CCDC82: variants seen among roughly 807,000 people sequenced by gnomAD.
CCDC82 encodes coiled-coil domain-containing protein 82.
A neutral mutation model predicts 60.6 loss-of-function variants in CCDC82; 47 were observed. The ratio of observed to expected loss-of-function variants is 0.77; its 90% CI spans 0.61 to 0.99. CCDC82 has a LOEUF of 0.99. Among genes scored for constraint, CCDC82 ranks in the 50% least tolerant of loss-of-function variants. The pLI, the probability that CCDC82 is intolerant of heterozygous loss-of-function variation, is 0.00. For missense variants in CCDC82, 588 were observed against 633.0 expected (o/e 0.93, Z 0.76); for synonymous variants, 212 against 207.4 (o/e 1.02, Z -0.19).
rs541561992 is a variant in CCDC82, at chr11:96,358,767, T to C, written c.1566+226A>G. On this transcript the variant is annotated intron_variant, in intron 9 of 9. Transcript: ENST00000646818. The stretch of plus-strand genomic sequence containing the variant: ...CTTCAATAAAGGACAGTGTTAATGC[T>C]TATTAAAATTTATCTGATGGGCTGA... 7.7e-5 allele frequency: 67 copies of C among 873,466 alleles called. No individual in the cohort carries two copies. The South Asian group carries it at 1.4e-3, about 18-fold the overall frequency. 54.1% of individuals were successfully genotyped at this position (873,466 alleles called of 1,614,324 possible). A position where few individuals can be genotyped will look rare whatever the true frequency, so the allele number is the denominator to read the frequency against.
chr11:96,358,205 T>C, intron 9 of CCDC82: 1 of 1,009,144 alleles, frequency 9.9e-7, no homozygotes, highest in Non-Finnish European at 1.2e-6. Flanking sequence ...TAAATGTTGA[T>C]AAGAGTTGCC....
intron 2 of CCDC82, chr11:96,387,076 T>C (rs1022784476): frequency 1.3e-5 from 2 of 152,270 alleles, no homozygotes; most frequent in African/African-American, 2.4e-5. Context: ...GCACGTGTAG[T>C]ATATCACATT....
At position 96,353,454 on chromosome 11, in the gene CCDC82, G is replaced by A. The variant is rs144780799; in HGVS notation, c.*192C>T. 28 of 522,766 alleles carry A rather than the reference G, an allele frequency of 5.4e-5. No homozygotes were observed. The highest frequency in any genetic ancestry group is 2.1e-4 in the African/African-American group (11 of 51,668). The allele number at this position is 522,766 out of a possible 1,614,324, so 32.4% of individuals were successfully genotyped here. A position where few individuals can be genotyped will look rare whatever the true frequency, so the allele number is the denominator to read the frequency against. On this transcript the variant is annotated 3_prime_UTR_variant, in exon 10 of 10. Transcript: ENST00000646818. ...TTAAAAATTAAGATAATGCTTTTAT[G>A]TACATCAGATAAAAGTTTAATTAGA...
rs11549808 is a variant in CCDC82, at chr11:96,384,709, A to G, written c.39T>C (p.Ser13=). 25,272 of 1,609,300 alleles carry G rather than the reference A, an allele frequency of 0.016. 615 individuals are homozygous for G. The highest frequency in any genetic ancestry group is 0.11 in the African/African-American group (8,186 of 74,598). Residue 13 remains serine, a synonymous_variant, in exon 4 of 10, where the codon TCT becomes TCC. Coordinates refer to ENST00000646818, the MANE Select transcript of CCDC82 (RefSeq NM_024725.4). ...HVRRHETRRN[S]KSHVPEQKSR... is the part of the protein sequence containing the mutation. ...ATTTCTGCTCAGGCACGTGACTCTT[A>G]GAATTTCTCCTTGTTTCATGTCTTC...
intron 5 of CCDC82, chr11:96,380,748 T>C (rs1032466143): frequency 9.2e-5 from 14 of 151,844 alleles, no homozygotes; most frequent in African/African-American, 3.4e-4. Context: ...AGTTATATGC[T>C]GTGTGATTCC....
Position 96,365,116 on chromosome 11 carries a change from T to C in CCDC82, c.1244A>G (p.His415Arg). ...GGAACAGTTTTCAGGATTCTTCAAA[T>C]GAATACTTACATTAGAATAATTTTC... ...RVENYSNVSI[H>R]LKNPENCSCQ... is the part of the protein sequence containing the mutation. The change falls in exon 8 of 10, where the codon CAT (histidine) becomes CGT (arginine). Residue 415 changes from histidine (H) to arginine (R), a missense_variant. His to Arg is a conservative substitution (Grantham distance 29). Coordinates refer to ENST00000646818, the MANE Select transcript of CCDC82 (RefSeq NM_024725.4). 6.3e-7 allele frequency: 1 copy of C among 1,597,708 alleles called. No homozygotes were observed. The highest frequency in any genetic ancestry group is 8.5e-7 in the Non-Finnish European group (1 of 1,172,200).
rs931347582 is a variant in CCDC82 at position 96,383,599 on chromosome 11, G to A, written c.787-126C>T. On this transcript the variant is annotated intron_variant, in intron 4 of 9. Transcript: ENST00000646818. Reference sequence around the variant, plus strand: ...ATAGTAATTAACTTCATATTTTAAAGTTAAAAATAAATAATTTTGTCATAT... The same window carrying A: ...ATAGTAATTAACTTCATATTTTAAAATTAAAAATAAATAATTTTGTCATAT... 1.5e-5 allele frequency: 9 copies of A among 603,122 alleles called. No homozygotes were observed. In the Admixed American group the frequency reaches 2.6e-4, roughly 17 times the overall value. 37.4% of individuals were successfully genotyped at this position (603,122 alleles called of 1,614,324 possible). A position where few individuals can be genotyped will look rare whatever the true frequency, so the allele number is the denominator to read the frequency against.
intron 5 of CCDC82, chr11:96,382,435 G>A (rs562739676): frequency 6.6e-6 from 1 of 151,802 alleles, no homozygotes; most frequent in African/African-American, 2.4e-5. Flanking sequence ...GATTGGTGGT[G>A]ATATTAATGA....
intron 8 of CCDC82, 24 bp from the exon 9 acceptor site, chr11:96,359,202 TA>T: frequency 2.6e-6 from 4 of 1,537,034 alleles, no homozygotes; most frequent in Non-Finnish European, 3.5e-6. Flanking sequence ...TAAAGATTGT[TA>T]TCTGACAACG....
chr11:96,372,206 A>G (rs1865309850), intron 6 of CCDC82, among the ~76,000 whole-genome samples: 1 of 152,132 alleles, frequency 6.6e-6, no homozygotes, highest in Non-Finnish European at 1.5e-5. Flanking sequence ...TCCACGTATT[A>G]CTTGCTCCCT....
intron 2 of CCDC82, 30 bp from the exon 3 acceptor site, chr11:96,386,323 C>T (rs776010029): frequency 1.4e-4 from 21 of 152,274 alleles, no homozygotes; most frequent in Non-Finnish European, 3.1e-4. Context: ...GGATACAGCT[C>T]ATTTAATTGT....
chr11:96,387,262 T>C (rs1242622750), intron 2 of CCDC82: 6 of 152,236 alleles, frequency 3.9e-5, no homozygotes, highest in Admixed American at 2.6e-4. Flanking sequence ...CAAATTCATA[T>C]ACACTAGATG....
At chr11:96,387,396 A>G (rs1866256097) in intron 2 of CCDC82, 134 bp downstream of exon 2, 1 of 152,248 alleles carries the variant, frequency 6.6e-6, no homozygotes, top group South Asian at 2.1e-4. Context: ...TGCACAGTTA[A>G]GCCATAAAAG....
chr11:96,362,670 G>A (rs1198013788), intron 8 of CCDC82, among the ~76,000 whole-genome samples: 3 of 151,874 alleles, frequency 2.0e-5, no homozygotes, highest in Admixed American at 1.3e-4. Flanking sequence ...GTGGTCCAAG[G>A]CCTCTCGTCT....
In CCDC82 at chr11:96,359,046, C is replaced by A. The variant is rs1555047003; in HGVS notation, c.1513G>T (p.Glu505Ter). The change falls in exon 9 of 10, where the codon GAA (glutamate) becomes TAA (stop). Residue 505 changes from glutamate (E) to a stop codon, truncating the protein, a stop_gained. Transcript: ENST00000646818. LOFTEE classifies it high-confidence loss of function. ...CGCCTGAAAATTCTTTCCACTGTTT[C>A]TTTAACTTGTTCATCTTCAACTTCT... ...TEEVEDEQVK[E>*]TVERIFRRSK... The A allele has an allele frequency of 6.2e-7, 1 of 1,609,968 alleles. No individual in the cohort carries two copies. Among genetic ancestry groups the A allele is most frequent in the Non-Finnish European group, 8.5e-7 (1 of 1,178,866 alleles).
At chr11:96,378,109 A>AT (rs1007931075) in intron 5 of CCDC82, among the ~76,000 whole-genome samples, 2 of 151,556 alleles carry the variant, frequency 1.3e-5, no homozygotes, top group African/African-American at 4.8e-5. Flanking sequence ...CTTTATAACT[A>AT]TTTTTTTCTT....
At chr11:96,376,190 T>C (rs1764617910) in intron 5 of CCDC82, among the ~76,000 whole-genome samples, 1 of 152,232 alleles carries the variant, frequency 6.6e-6, no homozygotes, top group African/African-American at 2.4e-5. Flanking sequence ...CTTTATCACA[T>C]ACTAATTTCA....
At position 96,374,720 on chromosome 11, in the gene CCDC82, C is replaced by G. The variant is rs558574846; in HGVS notation, c.992-1253G>C. Among the ~76,000 whole-genome samples the G allele has an allele frequency of 7.0e-4, 107 of 152,022 alleles. 2 individuals are homozygous for G. The highest frequency in any genetic ancestry group is 8.8e-5 in the Non-Finnish European group (6 of 67,938). On this transcript the variant is annotated intron_variant, in intron 5 of 9. Transcript: ENST00000646818. The stretch of plus-strand genomic sequence containing the variant: ...TTATTTCATCACCCAGGAATTAGAC[C>G]CAGTACCCAATAGTTATCTTTTCTG...
chr11:96,369,829 T>G (rs1375217816), intron 7 of CCDC82, among the ~76,000 whole-genome samples: 1 of 152,168 alleles, frequency 6.6e-6, no homozygotes, highest in Admixed American at 6.5e-5. Flanking sequence ...CAAAGTGCAA[T>G]AAAGTGGAAT....
Sources: gnomAD v4.1 joint callset for allele counts (sites outside exome capture counted in the v4.1 genomes callset) on GRCh38, gnomAD v4.1.1 for gene constraint, MANE v1.5 for transcripts, NCBI Gene and HGNC (gene_info 2026-07-23, HGNC 2026-07-21) for gene names.